Variants in MOV10 observed in about 807,000 individuals in gnomAD.
The protein encoded by MOV10 is RNA helicase MOV-10.
Under a neutral mutation model 108.4 loss-of-function variants are expected in MOV10, and 39 were observed. The observed-to-expected ratio is 0.36, with a 90% CI of 0.28 to 0.47. The LOEUF (loss-of-function observed/expected upper bound fraction) is 0.47, where lower values mean the gene tolerates loss of function less well. Among genes scored for constraint, MOV10 ranks in the 20% least tolerant of loss-of-function variants. The pLI is 1.00. For missense variants in MOV10, 952 were observed against 1,297.6 expected, an observed-to-expected ratio of 0.73 and a Z score of 4.09; for synonymous variants, 490 against 523.1, an observed-to-expected ratio of 0.94 and a Z score of 0.86.
At position 112,700,511 on chromosome 1, in the gene MOV10, C is replaced by T; in HGVS notation, c.*4C>T. The T allele has an allele frequency of 3.1e-6, 5 of 1,612,582 alleles. No individual in the cohort carries two copies. The South Asian group carries it at 4.4e-5, about 14-fold the overall frequency. Reference sequence around the variant, plus strand: ...AGAGTGGAGGAATGAGCTCTGAAGACACAGCACCCAGCCTTCTCGCACCAG... The same window carrying T: ...AGAGTGGAGGAATGAGCTCTGAAGATACAGCACCCAGCCTTCTCGCACCAG... On this transcript the variant is annotated 3_prime_UTR_variant, in exon 21 of 21. Transcript: ENST00000369645.
chr1:112,698,485 T>A lies in MOV10; in HGVS notation c.2508+7T>A. ...CTCCCCGTACCGGAAACAGGTCAGG[T>A]CCTCAGTTACCAGCAAGGGTGGGGC... On this transcript the variant is annotated splice_region_variant and intron_variant, in intron 16 of 20. Transcript: ENST00000369645. 2 of 1,613,128 alleles carry A rather than the reference T, an allele frequency of 1.2e-6. No individual in the cohort carries two copies. The highest frequency in any genetic ancestry group is 1.7e-6 in the Non-Finnish European group (2 of 1,179,654).
At chr1:112,687,927 T>C (rs1428567196) in intron 2 of MOV10, among the ~76,000 whole-genome samples, 1 of 152,138 alleles carries the variant, frequency 6.6e-6, no homozygotes, top group Non-Finnish European at 1.5e-5. Context: ...CACATGTTCT[T>C]GCGTACCTCT....
intron 5 of MOV10, 91 bp from the exon 6 acceptor site, chr1:112,691,574 C>T: frequency 6.7e-7 from 1 of 1,501,336 alleles, no homozygotes; most frequent in Non-Finnish European, 9.0e-7. Context: ...AGTAGGATTG[C>T]AGGAGGGCTT....
At chr1:112,699,023 G>A (rs1674374759) in intron 17 of MOV10, 2 of 544,300 alleles carry the variant, frequency 3.7e-6, no homozygotes, top group Admixed American at 3.3e-5. Flanking sequence ...CTTAGACTGA[G>A]GCAGGTTTGA....
intron 19 of MOV10, 34 bp downstream of exon 19, chr1:112,700,016 G>A: frequency 4.3e-6 from 7 of 1,612,608 alleles, no homozygotes; most frequent in Non-Finnish European, 5.9e-6. Context: ...CCTCTTAGTG[G>A]CCACAGCCCC....
At position 112,674,907 on chromosome 1, in the gene MOV10, G is replaced by A; in HGVS notation, c.-6G>A. The A allele has an allele frequency of 1.3e-6, 2 of 1,557,712 alleles. No individual in the cohort carries two copies. The highest frequency in any genetic ancestry group is 1.7e-6 in the Non-Finnish European group (2 of 1,156,624). ...CCCTCCTGCCTGGGCCGCAGCCGCC[G>A]CCGCGATGCCCAGTAAGTTCAGCTG... is the stretch of plus-strand genomic sequence containing the variant. On this transcript the variant is annotated 5_prime_UTR_variant, in exon 2 of 21. Coordinates refer to ENST00000369645, the MANE Select transcript of MOV10 (RefSeq NM_001321324.2).
intron 17 of MOV10, 50 bp downstream of exon 17, chr1:112,698,839 G>A (rs1304309114): frequency 6.6e-7 from 1 of 1,512,810 alleles, no homozygotes; most frequent in Admixed American, 1.7e-5. Flanking sequence ...GCCCCCACTT[G>A]CCCACTTCCA....
At chr1:112,688,717 T>A in intron 2 of MOV10, 3 of 1,429,034 alleles carry the variant, frequency 2.1e-6, no homozygotes, top group Non-Finnish European at 2.7e-6. Context: ...TTAAAACAAC[T>A]GTATTTTGCC....
chr1:112,696,204 G>A lies in MOV10; in HGVS notation c.1836G>A (p.Lys612=), dbSNP rs768597870. 5 of 1,613,952 alleles carry A rather than the reference G, an allele frequency of 3.1e-6. No individual in the cohort carries two copies. In the South Asian group the frequency reaches 4.4e-5, roughly 14 times the overall value. ...AGTATGTATTTCCCGCCAAGAAGAAGCTGCAGGAATACCGGGTCTTAATTA... is the reference window on the plus strand; with the variant it reads ...AGTATGTATTTCCCGCCAAGAAGAAACTGCAGGAATACCGGGTCTTAATTA... The part of the protein sequence containing the change: ...KGEYVFPAKK[K]LQEYRVLITT... The change falls in exon 12 of 21, where the codon AAG becomes AAA. Residue 612 remains lysine, a synonymous_variant. Transcript: ENST00000369645.
Position 112,694,960 on chromosome 1 carries a change from C to A in MOV10, c.1620+64C>A. ...TCCCCCAGCACCAAGCAGTTGTCCC[C>A]AGATTCTAGTTCCTTCCCACTCCCG... On this transcript the variant is annotated intron_variant, in intron 10 of 20. Coordinates refer to ENST00000369645, the MANE Select transcript of MOV10 (RefSeq NM_001321324.2). The surrounding 1 kb of genome is among the most constrained non-coding windows in gnomAD (Gnocchi z 4.1). The A allele has an allele frequency of 1.3e-6, 2 of 1,534,634 alleles. No homozygotes were observed. The highest frequency in any genetic ancestry group is 1.4e-5 in the African/African-American group (1 of 72,590).
At position 112,686,047 on chromosome 1, in the gene MOV10, C is replaced by G. The variant is rs1224793556; in HGVS notation, c.138-2888C>G. Among the ~76,000 whole-genome samples, 3 of 152,182 alleles carry G rather than the reference C, an allele frequency of 2.0e-5. No homozygotes were observed. The South Asian group carries it at 6.2e-4, about 31-fold the overall frequency. On this transcript the variant is annotated intron_variant, in intron 2 of 20. Coordinates refer to ENST00000369645, the MANE Select transcript of MOV10 (RefSeq NM_001321324.2). ...CCTACTGGCCCCGTTCGAAGATAAG[C>G]AGTTACCTGCTTCAGACAGGGCATG...
intron 2 of MOV10, among the ~76,000 whole-genome samples, chr1:112,679,296 A>G (rs958703631): frequency 3.3e-5 from 5 of 152,146 alleles, no homozygotes; most frequent in African/African-American, 9.7e-5. Context: ...AATGGCTGAA[A>G]TAAGGATGGA....
chr1:112,681,442 C>T (rs78022691), intron 2 of MOV10, among the ~76,000 whole-genome samples: 1 of 152,008 alleles, frequency 6.6e-6, no homozygotes, highest in African/African-American at 2.4e-5. Context: ...TGCAGTGAGC[C>T]AAGATGGCGC....
Position 112,694,749 on chromosome 1 carries a change from G to A in MOV10, c.1473G>A (p.Lys491=), listed in dbSNP as rs143236119. 145 of 1,614,000 alleles carry A rather than the reference G, an allele frequency of 9.0e-5. No homozygotes were observed. In the African/African-American group the frequency reaches 1.7e-3, roughly 19 times the overall value. The change falls in exon 10 of 21, where the codon AAG becomes AAA. Residue 491 remains lysine, a splice_region_variant and synonymous_variant. Transcript: ENST00000369645. The surrounding 1 kb of genome is among the most constrained non-coding windows in gnomAD (Gnocchi z 4.1). ...TTCACATTCCTGGTCCCTCTGCCAG[G>A]CTGTACGACCGGAGTCTGGAGTCAA... The part of the protein sequence containing the change: ...VPLLPSDVKL[K]LYDRSLESNP...
intron 10 of MOV10, 147 bp downstream of exon 10, chr1:112,695,043 C>A: frequency 1.0e-6 from 1 of 1,001,016 alleles, no homozygotes; most frequent in Non-Finnish European, 1.4e-6. Flanking sequence ...GGTGCAGTGG[C>A]TCATGCCTGT....
Position 112,699,717 on chromosome 1 carries a change from A to G in MOV10, c.2616A>G (p.Glu872=), listed in dbSNP as rs1170073312. 1.2e-6 allele frequency: 2 copies of G among 1,614,096 alleles called. No homozygotes were observed. Among genetic ancestry groups the G allele is most frequent in the Non-Finnish European group, 1.7e-6 (2 of 1,180,048 alleles). ...VGSVEEFQGQ[E]RSVILISTVR... The stretch of plus-strand genomic sequence containing the variant: ...CAGTAGAAGAATTCCAAGGCCAAGA[A>G]CGAAGCGTCATCCTCATCTCCACCG... The change falls in exon 18 of 21, where the codon GAA becomes GAG. Residue 872 remains glutamate (E), a synonymous_variant. Transcript: ENST00000369645.
Position 112,675,504 on chromosome 1 carries a change from T to C in MOV10, c.137+455T>C, listed in dbSNP as rs74456937. Among the ~76,000 whole-genome samples, 1,956 of 152,218 alleles carry C rather than the reference T, an allele frequency of 0.013. 46 individuals carry two copies. The highest frequency in any genetic ancestry group is 0.097 in the East Asian group (499 of 5,158). On this transcript the variant is annotated intron_variant, in intron 2 of 20. Transcript: ENST00000369645. This position sits in a 1 kb window ranked among gnomAD's most constrained non-coding sequence, Gnocchi z 4.7. ...TTTACAGGGACCTCTGCCACCTTGTTGAGGCGCTGCTGCCTCGGGGGTCCG... is the reference window on the plus strand; with the variant it reads ...TTTACAGGGACCTCTGCCACCTTGTCGAGGCGCTGCTGCCTCGGGGGTCCG...
At chr1:112,691,939 C>T in intron 6 of MOV10, 140 bp downstream of exon 6, 2 of 891,218 alleles carry the variant, frequency 2.2e-6, no homozygotes, top group Non-Finnish European at 3.4e-6. Context: ...ACACCAAGCA[C>T]CATTCAAGGT....
Position 112,698,379 on chromosome 1 carries a change from G to A in MOV10, c.2409G>A (p.Val803=), listed in dbSNP as rs1674308364. 1 of 1,614,212 alleles carries A rather than the reference G, an allele frequency of 6.2e-7. No homozygotes were observed. The highest frequency in any genetic ancestry group is 8.5e-7 in the Non-Finnish European group (1 of 1,180,038). ...SFFNPEEAAT[V]TSYLKLLLAP... Reference sequence around the variant, plus strand: ...TCAACCCTGAAGAGGCTGCCACAGTGACTTCCTACCTGAAGCTGCTCCTGG... The same window carrying A: ...TCAACCCTGAAGAGGCTGCCACAGTAACTTCCTACCTGAAGCTGCTCCTGG... Residue 803 remains valine (V), a synonymous_variant, in exon 16 of 21, where the codon GTG becomes GTA. Coordinates refer to ENST00000369645, the MANE Select transcript of MOV10 (RefSeq NM_001321324.2).
Sources: allele counts gnomAD v4.1 joint callset (sites outside exome capture counted in the v4.1 genomes callset), GRCh38; gene constraint gnomAD v4.1.1; non-coding constraint Gnocchi (gnomAD v3.1); transcripts MANE v1.5; gene names NCBI Gene and HGNC (gene_info 2026-07-23, HGNC 2026-07-21).